The following RGS17 variants were observed in gnomAD, a reference collection of about 807,000 sequenced individuals.
RGS17 encodes the protein regulator of G protein signaling 17.
Under a neutral mutation model 25.5 loss-of-function variants are expected in RGS17, and 12 were observed. The observed-to-expected ratio is 0.47, with a 90% CI of 0.30 to 0.76. The LOEUF is 0.76. RGS17 is among the 30% of genes least tolerant of loss of function. The probability of loss-of-function intolerance (pLI) is 0.07; values close to 1 mark genes in which losing one functional copy is unlikely to be tolerated. For synonymous variants in RGS17, 71 were observed against 76.9 expected (o/e 0.92, Z 0.40); for missense variants, 196 against 242.2 (o/e 0.81, Z 1.27).
chr6:153,060,283 G>A (rs1451698016), intron 1 of RGS17, among the ~76,000 whole-genome samples: 1 of 152,110 alleles, frequency 6.6e-6, no homozygotes, highest in Non-Finnish European at 1.5e-5. Flanking sequence ...ACATAGTACT[G>A]TGCACCTGCC....
chr6:153,123,148 C>T lies in RGS17; in HGVS notation c.-26+7976G>A, dbSNP rs569093795. Reference sequence around the variant, plus strand: ...TGTATTGCTTTATAGCATGTCTATGCCTTAGTGCCCTAATAAAAGACACTA... The same window carrying T: ...TGTATTGCTTTATAGCATGTCTATGTCTTAGTGCCCTAATAAAAGACACTA... On this transcript the variant is annotated intron_variant, in intron 1 of 4. Transcript: ENST00000206262. 2.2e-4 allele frequency among the ~76,000 whole-genome samples: 24 copies of T among 108,688 alleles called. No homozygotes were observed. In the South Asian group the frequency reaches 8.0e-3, roughly 36 times the overall value. 71.3% of individuals were successfully genotyped at this position (108,688 alleles called of 152,430 possible). A position where few individuals can be genotyped will look rare whatever the true frequency, so the allele number is the denominator to read the frequency against.
At chr6:153,124,929 A>G (rs1777683929) in intron 1 of RGS17, among the ~76,000 whole-genome samples, 1 of 152,206 alleles carries the variant, frequency 6.6e-6, no homozygotes. Context: ...AGATTACATG[A>G]CTTATCATAA....
chr6:153,094,497 T>C (rs935357915), intron 1 of RGS17, among the ~76,000 whole-genome samples: 1 of 152,216 alleles, frequency 6.6e-6, no homozygotes, highest in African/African-American at 2.4e-5. Flanking sequence ...TGCTTTTCTC[T>C]ACCTAATTTC....
chr6:153,129,618 G>C lies in RGS17; in HGVS notation c.-26+1506C>G, dbSNP rs562780617. Among the ~76,000 whole-genome samples, 13 of 152,268 alleles carry C rather than the reference G, an allele frequency of 8.5e-5. No individual in the cohort carries two copies. The East Asian group carries it at 2.5e-3, about 29-fold the overall frequency. ...ATGTATGAACGCCGGAAATGCAGAT[G>C]GCACCCAGCCTCAGAACTGCTTATT... On this transcript the variant is annotated intron_variant, in intron 1 of 4. Transcript: ENST00000206262.
intron 1 of RGS17, among the ~76,000 whole-genome samples, chr6:153,057,068 T>A (rs1275909770): frequency 6.6e-6 from 1 of 152,050 alleles, no homozygotes; most frequent in Admixed American, 6.6e-5. Context: ...GTGCTCCTCA[T>A]CCTTTCCCAA....
chr6:153,044,504 G>A (rs1448230837), intron 1 of RGS17, among the ~76,000 whole-genome samples: 3 of 152,124 alleles, frequency 2.0e-5, no homozygotes, highest in African/African-American at 7.2e-5. Flanking sequence ...AGAGTATGAG[G>A]AAGATCAAGT....
chr6:153,075,478 T>A (rs914803576), intron 1 of RGS17, among the ~76,000 whole-genome samples: 6 of 152,148 alleles, frequency 3.9e-5, no homozygotes, highest in African/African-American at 1.4e-4. Context: ...TTCTTGCACC[T>A]GAGATGTGTC....
At chr6:153,041,603 G>C (rs1476998913) in intron 2 of RGS17, among the ~76,000 whole-genome samples, 3 of 152,134 alleles carry the variant, frequency 2.0e-5, no homozygotes, top group Non-Finnish European at 4.4e-5. Context: ...TATCTGTTCT[G>C]GTGTTTTAAT....
intron 1 of RGS17, among the ~76,000 whole-genome samples, chr6:153,087,217 A>C (rs1777064129): frequency 6.6e-6 from 1 of 152,218 alleles, no homozygotes; most frequent in East Asian, 1.9e-4. Flanking sequence ...CAGAGGTTGC[A>C]GTGAGCCAAG....
intron 4 of RGS17, among the ~76,000 whole-genome samples, chr6:153,023,852 A>G (rs959150074): frequency 3.9e-5 from 6 of 152,214 alleles, no homozygotes; most frequent in African/African-American, 1.4e-4. Flanking sequence ...ATTCAGATTC[A>G]GAAGTCCTGG....
intron 1 of RGS17, among the ~76,000 whole-genome samples, chr6:153,086,760 A>G (rs1007532472): frequency 7.2e-5 from 11 of 152,144 alleles, no homozygotes; most frequent in African/African-American, 1.9e-4. Flanking sequence ...ATACACACAC[A>G]TGTCCCATAT....
intron 1 of RGS17, among the ~76,000 whole-genome samples, chr6:153,094,984 T>C (rs186516901): frequency 1.4e-4 from 22 of 152,250 alleles, no homozygotes; most frequent in African/African-American, 5.3e-4. Flanking sequence ...AGAAGATAAA[T>C]ACTTGTCTCC....
intron 1 of RGS17, among the ~76,000 whole-genome samples, chr6:153,078,633 G>C (rs1385611030): frequency 6.6e-6 from 1 of 151,742 alleles, no homozygotes; most frequent in African/African-American, 2.4e-5. Flanking sequence ...GTGATATATT[G>C]AGTAATCATA....
chr6:153,011,447 C>A lies in RGS17; in HGVS notation c.*127G>T. The stretch of plus-strand genomic sequence containing the variant: ...ATAAAAATGGAGACAAAGACCATAA[C>A]GGTTGTGTTTTCACAGTAGCCTGAG... On this transcript the variant is annotated 3_prime_UTR_variant, in exon 5 of 5. Transcript: ENST00000206262. 1 of 644,670 alleles carries A rather than the reference C, an allele frequency of 1.6e-6. No individual in the cohort carries two copies. 39.9% of individuals were successfully genotyped at this position (644,670 alleles called of 1,614,324 possible).
intron 1 of RGS17, among the ~76,000 whole-genome samples, chr6:153,100,071 T>C (rs1192609723): frequency 2.0e-5 from 3 of 152,142 alleles, no homozygotes; most frequent in African/African-American, 4.8e-5. Context: ...TCCTAAGAAA[T>C]TAAAGAAGAC....
Position 153,026,324 on chromosome 6 carries a change from T to C in RGS17, c.209+130A>G, listed in dbSNP as rs1261666279. On this transcript the variant is annotated intron_variant, in intron 3 of 4. Coordinates refer to ENST00000206262, the MANE Select transcript of RGS17 (RefSeq NM_012419.5). The stretch of plus-strand genomic sequence containing the variant: ...CAATGACAAAATAAGATCTTCCAGA[T>C]TGAATTTGCATTCACTTCCCAAAAT... 4.1e-5 allele frequency: 21 copies of C among 510,746 alleles called. No individual in the cohort carries two copies. In the East Asian group the frequency reaches 6.2e-4, roughly 15 times the overall value. 31.6% of individuals were successfully genotyped at this position (510,746 alleles called of 1,614,324 possible).
At chr6:153,123,091 A>T (rs1777660396) in intron 1 of RGS17, among the ~76,000 whole-genome samples, 1 of 100,930 alleles carries the variant, frequency 9.9e-6, no homozygotes, top group Non-Finnish European at 2.1e-5. Flanking sequence ...GCATTCAGTT[A>T]ATCATAATAG....
At chr6:153,056,983 A>C (rs1279845520) in intron 1 of RGS17, among the ~76,000 whole-genome samples, 1 of 151,558 alleles carries the variant, frequency 6.6e-6, no homozygotes, top group Non-Finnish European at 1.5e-5. Context: ...AAAAATATCT[A>C]TTTTCCCAAG....
At chr6:153,055,912 G>C (rs991760012) in intron 1 of RGS17, among the ~76,000 whole-genome samples, 1 of 152,068 alleles carries the variant, frequency 6.6e-6, no homozygotes, top group East Asian at 1.9e-4. Context: ...CCATCTCACA[G>C]GTTGAACAAT....
Sources: allele counts gnomAD v4.1 joint callset (sites outside exome capture counted in the v4.1 genomes callset), GRCh38; gene constraint gnomAD v4.1.1; transcripts MANE v1.5; gene names NCBI Gene and HGNC (gene_info 2026-07-23, HGNC 2026-07-21).